The following GALNT13 variants were observed in gnomAD, a reference collection of about 807,000 sequenced individuals.
GALNT13 encodes the protein polypeptide N-acetylgalactosaminyltransferase 13.
GALNT13 carries 28 observed loss-of-function variants against 64.2 expected under a neutral mutation model. That is an observed-to-expected ratio of 0.44 (90% CI 0.32 to 0.60). GALNT13 has a LOEUF of 0.60. Among genes scored for constraint, GALNT13 ranks in the 20% least tolerant of loss-of-function variants. The probability of loss-of-function intolerance (pLI) is 0.05; values close to 1 mark genes in which losing one functional copy is unlikely to be tolerated. For missense variants in GALNT13, 577 were observed against 669.8 expected, an observed-to-expected ratio of 0.86 and a Z score of 1.53; for synonymous variants, 214 against 224.6, an observed-to-expected ratio of 0.95 and a Z score of 0.42.
At chr2:153,340,065 T>C in the GALNT13 span, among the ~76,000 whole-genome samples, 6 of 152,322 alleles carry the variant, frequency 3.9e-5, no homozygotes, top group African/African-American at 1.4e-4. Context: ...CTGCTTAAGA[T>C]TGCTTTAGCT....
At chr2:153,830,954 T>C in the GALNT13 span, among the ~76,000 whole-genome samples, 1 of 152,226 alleles carries the variant, frequency 6.6e-6, no homozygotes, top group Non-Finnish European at 1.5e-5. Flanking sequence ...CTTAATTCAC[T>C]GAAAATAAAA....
chr2:153,283,668 A>C, the GALNT13 span, among the ~76,000 whole-genome samples: 1 of 151,564 alleles, frequency 6.6e-6, no homozygotes, highest in Non-Finnish European at 1.5e-5. Context: ...AGGCAAGCAG[A>C]TGTTCCACAT....
chr2:153,600,478 C>T, the GALNT13 span, among the ~76,000 whole-genome samples: 2 of 151,922 alleles, frequency 1.3e-5, no homozygotes, highest in East Asian at 3.9e-4. Flanking sequence ...GCTTATATAA[C>T]TCAATATGAC....
the GALNT13 span, among the ~76,000 whole-genome samples, chr2:153,702,820 G>T: frequency 6.6e-6 from 1 of 152,118 alleles, no homozygotes; most frequent in Non-Finnish European, 1.5e-5. Context: ...AAGATCTGTA[G>T]TAAGGAGATA....
At chr2:153,427,996 T>G in the GALNT13 span, among the ~76,000 whole-genome samples, 1 of 152,218 alleles carries the variant, frequency 6.6e-6, no homozygotes, top group African/African-American at 2.4e-5. Flanking sequence ...TTCATTATTT[T>G]TCCTTGCTTT....
At chr2:153,843,737 G>T in the GALNT13 span, among the ~76,000 whole-genome samples, 1 of 152,184 alleles carries the variant, frequency 6.6e-6, no homozygotes, top group Non-Finnish European at 1.5e-5. Context: ...ACACAATGTG[G>T]TATAGGCATT....
At chr2:153,623,781 A>G in the GALNT13 span, among the ~76,000 whole-genome samples, 96 of 152,172 alleles carry the variant, frequency 6.3e-4, 1 homozygote, top group South Asian at 8.9e-3. Flanking sequence ...TAAAATTATT[A>G]AAAATGTTGA....
At chr2:153,780,317 A>G in the GALNT13 span, among the ~76,000 whole-genome samples, 1 of 149,942 alleles carries the variant, frequency 6.7e-6, no homozygotes, top group Non-Finnish European at 1.5e-5. Context: ...ATTCCTCCTA[A>G]GCCTCCGTTT....
chr2:153,539,162 A>G, the GALNT13 span, among the ~76,000 whole-genome samples: 1 of 150,428 alleles, frequency 6.6e-6, no homozygotes, highest in South Asian at 2.1e-4. Flanking sequence ...GCATTTTTCC[A>G]TGTGTTTTTT....
chr2:153,630,660 T>TA, the GALNT13 span, among the ~76,000 whole-genome samples: 1 of 135,336 alleles, frequency 7.4e-6, no homozygotes. Context: ...ATAATAAAAT[T>TA]AAAAAAAATT....
At chr2:153,369,684 C>A in the GALNT13 span, among the ~76,000 whole-genome samples, 2 of 152,090 alleles carry the variant, frequency 1.3e-5, no homozygotes, top group African/African-American at 4.8e-5. Flanking sequence ...CTGAAAGGAC[C>A]GTGACTTCCA....
At chr2:153,566,316 T>C in the GALNT13 span, among the ~76,000 whole-genome samples, 1 of 148,806 alleles carries the variant, frequency 6.7e-6, no homozygotes, top group Non-Finnish European at 1.5e-5. Flanking sequence ...GTTTGTTGCA[T>C]GTTAGAAATA....
chr2:153,348,318 T>C, the GALNT13 span, among the ~76,000 whole-genome samples: 2 of 152,182 alleles, frequency 1.3e-5, no homozygotes, highest in Non-Finnish European at 2.9e-5. Context: ...CCATTGTGCA[T>C]AACTAAAGCC....
intron 9 of GALNT13, among the ~76,000 whole-genome samples, chr2:154,334,394 TAGAC>T (rs71398305): frequency 0.2 from 30,173 of 151,836 alleles, 3,383 homozygotes; most frequent in Middle Eastern, 0.36. Flanking sequence ...ATGAAATCAA[TAGAC>T]AGCCTTTAAA....
At chr2:153,478,889 G>A in the GALNT13 span, 1 of 327,692 alleles carries the variant, frequency 3.1e-6, no homozygotes. Flanking sequence ...TGCAGCGGCG[G>A]GGTGGCTGCG....
At chr2:153,990,404 A>G (rs979483932) in intron 3 of GALNT13, among the ~76,000 whole-genome samples, 1 of 152,134 alleles carries the variant, frequency 6.6e-6, no homozygotes, top group Admixed American at 6.6e-5. Flanking sequence ...TGGATTGCCA[A>G]TGTTAGCATC....
At chr2:153,756,925 A>C in the GALNT13 span, among the ~76,000 whole-genome samples, 1 of 152,072 alleles carries the variant, frequency 6.6e-6, no homozygotes, top group Non-Finnish European at 1.5e-5. Context: ...CATTTCACCC[A>C]CTAAACACTT....
chr2:153,984,964 A>AG (rs1358409557), intron 3 of GALNT13, among the ~76,000 whole-genome samples: 1 of 151,862 alleles, frequency 6.6e-6, no homozygotes, highest in Non-Finnish European at 1.5e-5. Flanking sequence ...TCGAATGACT[A>AG]GGGGGTCAAA....
chr2:153,646,049 G>C, the GALNT13 span, among the ~76,000 whole-genome samples: 1 of 151,950 alleles, frequency 6.6e-6, no homozygotes, highest in Non-Finnish European at 1.5e-5. Context: ...TTCTATTTTG[G>C]TGTAATAATG....
Sources: gnomAD v4.1 joint callset for allele counts (sites outside exome capture counted in the v4.1 genomes callset) on GRCh38, gnomAD v4.1.1 for gene constraint, MANE v1.5 for transcripts, NCBI Gene and HGNC (gene_info 2026-07-23, HGNC 2026-07-21) for gene names.